STX8: variants seen among roughly 807,000 people sequenced by gnomAD.
STX8 encodes the protein syntaxin-8.
Under a neutral mutation model 37.5 loss-of-function variants are expected in STX8, and 23 were observed. That is an observed-to-expected ratio of 0.61 (90% CI 0.44 to 0.87). The LOEUF is 0.87. Among genes scored for constraint, STX8 ranks in the 40% least tolerant of loss-of-function variants. The pLI is 0.00. For synonymous variants in STX8, 115 were observed against 99.1 expected (o/e 1.16, Z -0.95); for missense variants, 313 against 284.7 (o/e 1.10, Z -0.71).
chr17:9,557,279 C>T (rs527424281), intron 3 of STX8, 155 bp downstream of exon 3: 10 of 602,052 alleles, frequency 1.7e-5, no homozygotes, highest in Middle Eastern at 2.9e-4. Flanking sequence ...GTAACAGACA[C>T]TTAAAATAGA....
intron 6 of STX8, among the ~76,000 whole-genome samples, chr17:9,418,922 C>CTTTTT (rs1199002351): frequency 9.0e-6 from 1 of 110,708 alleles, no homozygotes; most frequent in African/African-American, 3.2e-5. Flanking sequence ...CTTTTTTTTT[C>CTTTTT]TTTTTTTTTT....
At chr17:9,258,378 G>T (rs139878925) in intron 7 of STX8, among the ~76,000 whole-genome samples, 1 of 152,236 alleles carries the variant, frequency 6.6e-6, no homozygotes, top group Admixed American at 6.5e-5. Flanking sequence ...GAAGGTGAGC[G>T]TATTTACATT....
At chr17:9,545,776 T>C (rs1487170897) in intron 3 of STX8, among the ~76,000 whole-genome samples, 2 of 152,198 alleles carry the variant, frequency 1.3e-5, no homozygotes, top group Non-Finnish European at 2.9e-5. Flanking sequence ...AGACGGGTTT[T>C]TGCCATGCTG....
At chr17:9,317,228 G>A (rs1376783011) in intron 7 of STX8, among the ~76,000 whole-genome samples, 2 of 152,148 alleles carry the variant, frequency 1.3e-5, no homozygotes, top group East Asian at 1.9e-4. Context: ...AAGACAGAAC[G>A]TAAATGGGAT....
chr17:9,344,841 C>A (rs1910480685), intron 7 of STX8, among the ~76,000 whole-genome samples: 3 of 152,208 alleles, frequency 2.0e-5, no homozygotes, highest in Non-Finnish European at 4.4e-5. Context: ...CTGTCTCACA[C>A]ACAACACACC....
intron 6 of STX8, among the ~76,000 whole-genome samples, chr17:9,432,567 G>GCCACTAAAATAAA (rs1914020429): frequency 6.6e-6 from 1 of 152,144 alleles, no homozygotes; most frequent in African/African-American, 2.4e-5. Flanking sequence ...AATAAAAGAT[G>GCCACTAAAATAAA]AGGAAGCAAT....
chr17:9,499,613 T>A (rs1904537328), intron 5 of STX8, among the ~76,000 whole-genome samples: 1 of 152,160 alleles, frequency 6.6e-6, no homozygotes, highest in Admixed American at 6.5e-5. Context: ...TTGGCCAGGA[T>A]GGTCTCGATC....
chr17:9,503,164 T>C (rs551778881), intron 5 of STX8, among the ~76,000 whole-genome samples: 13 of 138,522 alleles, frequency 9.4e-5, no homozygotes, highest in African/African-American at 2.2e-4. Flanking sequence ...GTTCAATGAA[T>C]CTTAAAATAA....
At chr17:9,410,274 G>T (rs1047388700) in intron 6 of STX8, among the ~76,000 whole-genome samples, 3 of 152,108 alleles carry the variant, frequency 2.0e-5, no homozygotes, top group African/African-American at 4.8e-5. Context: ...AATTATATCT[G>T]CTGATAAAGA....
At chr17:9,458,489 CTGT>C (rs1313786968) in intron 6 of STX8, among the ~76,000 whole-genome samples, 1 of 152,234 alleles carries the variant, frequency 6.6e-6, no homozygotes, top group African/African-American at 2.4e-5. Context: ...GAGTTGAAAT[CTGT>C]TGTTTTCTAC....
chr17:9,360,227 CTTTTTTTTTTTT>C (rs58213453), intron 7 of STX8, among the ~76,000 whole-genome samples: 2 of 72,610 alleles, frequency 2.8e-5, no homozygotes, highest in Non-Finnish European at 2.5e-5. Flanking sequence ...AATTAACCGT[CTTTTTTTTTTTT>C]TTTTTTTTTT....
chr17:9,477,676 G>A (rs936527418), intron 6 of STX8, among the ~76,000 whole-genome samples: 1 of 152,130 alleles, frequency 6.6e-6, no homozygotes, highest in Non-Finnish European at 1.5e-5. Context: ...AGGGGGCTTC[G>A]GTTGAAAACA....
chr17:9,571,130 CAG>C (rs1254001161), intron 1 of STX8, among the ~76,000 whole-genome samples: 1 of 152,148 alleles, frequency 6.6e-6, no homozygotes, highest in Admixed American at 6.5e-5. Context: ...CTTTTACACA[CAG>C]AGAGTGGCCC....
At chr17:9,387,226 T>C (rs554992585) in intron 6 of STX8, among the ~76,000 whole-genome samples, 17 of 152,340 alleles carry the variant, frequency 1.1e-4, no homozygotes, top group Non-Finnish European at 2.2e-4. Flanking sequence ...CTTGGACACA[T>C]AGCTTCAGTC....
chr17:9,462,070 C>T (rs1442023806), intron 6 of STX8, among the ~76,000 whole-genome samples: 1 of 152,182 alleles, frequency 6.6e-6, no homozygotes, highest in Non-Finnish European at 1.5e-5. Flanking sequence ...CCGCCGCTCA[C>T]CTCCTGCTGT....
At chr17:9,568,071 T>C (rs1907529456) in intron 2 of STX8, among the ~76,000 whole-genome samples, 1 of 152,204 alleles carries the variant, frequency 6.6e-6, no homozygotes, top group Non-Finnish European at 1.5e-5. Context: ...AGACATTATC[T>C]CTTGGCCTGC....
At chr17:9,444,013 T>C (rs1904752651) in intron 6 of STX8, among the ~76,000 whole-genome samples, 1 of 152,216 alleles carries the variant, frequency 6.6e-6, no homozygotes, top group East Asian at 1.9e-4. Context: ...ATCGTGTTCA[T>C]TCATACCTAT....
chr17:9,469,884 G>C (rs1250606676), intron 6 of STX8: 1 of 152,148 alleles, frequency 6.6e-6, no homozygotes, highest in Non-Finnish European at 1.5e-5. Flanking sequence ...AATGACCCAA[G>C]GGAGTACAGA....
chr17:9,378,844 G>T (rs1911693151), intron 6 of STX8, among the ~76,000 whole-genome samples, 191 bp from the exon 7 acceptor site: 1 of 152,002 alleles, frequency 6.6e-6, no homozygotes, highest in Non-Finnish European at 1.5e-5. Flanking sequence ...TAGTAAAGAA[G>T]AAAACTGATT....
Sources: allele counts gnomAD v4.1 joint callset (sites outside exome capture counted in the v4.1 genomes callset), GRCh38; gene constraint gnomAD v4.1.1; transcripts MANE v1.5; gene names NCBI Gene and HGNC (gene_info 2026-07-23, HGNC 2026-07-21).